MPP7: variants seen among roughly 807,000 people sequenced by gnomAD.
The protein encoded by MPP7 is MAGUK p55 subfamily member 7.
A neutral mutation model predicts 76.5 loss-of-function variants in MPP7; 60 were observed. That is an observed-to-expected ratio of 0.78 (90% CI 0.64 to 0.97). The LOEUF (loss-of-function observed/expected upper bound fraction) is 0.97. MPP7 is among the 50% of genes least tolerant of loss of function. The pLI is 0.00. For synonymous variants in MPP7, 237 were observed against 244.5 expected (o/e 0.97, Z 0.29); for missense variants, 641 against 694.0 (o/e 0.92, Z 0.86).
intron 11 of MPP7, among the ~76,000 whole-genome samples, chr10:28,104,875 A>G (rs139597177): frequency 0.014 from 2,102 of 152,250 alleles, 15 homozygotes; most frequent in Non-Finnish European, 0.02. Context: ...ACACATTAGA[A>G]TAAGTATTTA....
chr10:28,152,815 T>C (rs192044043), intron 3 of MPP7, among the ~76,000 whole-genome samples: 1 of 152,306 alleles, frequency 6.6e-6, no homozygotes, highest in Non-Finnish European at 1.5e-5. Context: ...TTTGGGGATC[T>C]AGTAGACAAA....
At chr10:28,220,840 A>T (rs1456473421) in intron 2 of MPP7, among the ~76,000 whole-genome samples, 1 of 152,182 alleles carries the variant, frequency 6.6e-6, no homozygotes, top group East Asian at 1.9e-4. Context: ...GCAACGGGAC[A>T]AAAGCATAAA....
intron 11 of MPP7, among the ~76,000 whole-genome samples, chr10:28,097,492 G>A (rs1006602925): frequency 1.3e-5 from 2 of 152,084 alleles, no homozygotes; most frequent in African/African-American, 4.8e-5. Flanking sequence ...ATGTGTTTAA[G>A]TACACTCTTC....
At chr10:28,074,207 A>G (rs147944033) in intron 12 of MPP7, among the ~76,000 whole-genome samples, 15 of 152,322 alleles carry the variant, frequency 9.8e-5, no homozygotes, top group Admixed American at 4.6e-4. Context: ...TACTTCAGAA[A>G]ACATAGAGGC....
chr10:28,302,988 G>T lies in MPP7; in HGVS notation c.-259C>A, dbSNP rs1841201907. ...GGACAATCGGGAGCCAGCGGGCTCG[G>T]CACCGCCGCGGCGGGCGCAGAACGC... On this transcript the variant is annotated 5_prime_UTR_variant, in exon 1 of 17. Coordinates refer to ENST00000683449, the MANE Select transcript of MPP7 (RefSeq NM_001318170.2). Among the ~76,000 whole-genome samples, 1 of 150,516 alleles carries T rather than the reference G, an allele frequency of 6.6e-6. No homozygotes were observed. Among genetic ancestry groups the T allele is most frequent in the Non-Finnish European group, 1.5e-5 (1 of 67,128 alleles).
chr10:28,102,266 C>T (rs1042614441), intron 11 of MPP7, among the ~76,000 whole-genome samples: 9 of 152,120 alleles, frequency 5.9e-5, no homozygotes, highest in African/African-American at 9.7e-5. Context: ...CCTCAGCCTC[C>T]GGAGTAGTTG....
intron 1 of MPP7, among the ~76,000 whole-genome samples, chr10:28,252,924 G>A (rs760752430): frequency 6.6e-6 from 1 of 151,698 alleles, no homozygotes; most frequent in South Asian, 2.1e-4. Flanking sequence ...TTTTGGGAGG[G>A]GGGGGCGGAG....
intron 3 of MPP7, among the ~76,000 whole-genome samples, chr10:28,189,968 G>A (rs1371230432): frequency 3.9e-5 from 6 of 151,932 alleles, no homozygotes; most frequent in Admixed American, 6.6e-5. Flanking sequence ...ACAGACACAC[G>A]AAAAGAAAAA....
At chr10:28,065,468 T>C (rs1851952479) in intron 13 of MPP7, among the ~76,000 whole-genome samples, 1 of 152,184 alleles carries the variant, frequency 6.6e-6, no homozygotes, top group East Asian at 1.9e-4. Flanking sequence ...CATGAACTCA[T>C]TCACAACAAG....
chr10:28,169,346 C>T (rs1291638721), intron 3 of MPP7, among the ~76,000 whole-genome samples: 3 of 151,608 alleles, frequency 2.0e-5, no homozygotes, highest in Admixed American at 2.0e-4. Context: ...AATTAATTAG[C>T]CAGGAAAGGT....
chr10:28,327,327 G>A (rs535032039), intron 2 of MPP7, among the ~76,000 whole-genome samples: 57 of 149,930 alleles, frequency 3.8e-4, no homozygotes, highest in African/African-American at 1.3e-3. Flanking sequence ...TACCTAGCTC[G>A]TTTCAAATTC....
At chr10:28,125,265 A>G (rs1230373617) in intron 6 of MPP7, among the ~76,000 whole-genome samples, 174 bp from the exon 7 acceptor site, 2 of 152,238 alleles carry the variant, frequency 1.3e-5, no homozygotes, top group African/African-American at 4.8e-5. Flanking sequence ...GTCTATTCTC[A>G]TGACTAAATA....
At chr10:28,222,712 C>T (rs1021822822) in intron 2 of MPP7, among the ~76,000 whole-genome samples, 2 of 151,154 alleles carry the variant, frequency 1.3e-5, no homozygotes, top group South Asian at 2.1e-4. Context: ...ATTAGCCAGG[C>T]GTGGTGGCGG....
intron 1 of MPP7, among the ~76,000 whole-genome samples, chr10:28,286,609 C>T (rs1362215880): frequency 6.6e-6 from 1 of 152,104 alleles, no homozygotes; most frequent in Non-Finnish European, 1.5e-5. Context: ...CCCTGGGGGT[C>T]CTCAGGCACC....
intron 3 of MPP7, among the ~76,000 whole-genome samples, chr10:28,152,956 A>T (rs888437704): frequency 2.2e-4 from 33 of 152,154 alleles, no homozygotes; most frequent in Non-Finnish European, 1.5e-5. Flanking sequence ...TCAAGACATA[A>T]TAAAAGTACA....
In MPP7 at chr10:28,119,643, A is replaced by G. The variant is rs1834766480; in HGVS notation, c.952+8T>C. On this transcript the variant is annotated splice_region_variant and intron_variant, in intron 11 of 16. Transcript: ENST00000683449. ...TTGGTTTCTCTGCATTCTTATTAAC[A>G]AACTTACATGATTTCCTGTTGGAAA... 1 of 1,611,998 alleles carries G rather than the reference A, an allele frequency of 6.2e-7. No individual in the cohort carries two copies.
chr10:28,327,231 TAAAAAAA>T (rs59442840), intron 2 of MPP7, among the ~76,000 whole-genome samples: 14,436 of 95,794 alleles, frequency 0.15, 955 homozygotes, highest in African/African-American at 0.24. Context: ...GTCAAAGAAG[TAAAAAAA>T]AAAAAAAAAA....
At chr10:28,262,242 T>C (rs867508139) in intron 1 of MPP7, among the ~76,000 whole-genome samples, 693 of 63,648 alleles carry the variant, frequency 0.011, 52 homozygotes, top group South Asian at 0.034. Context: ...TATATATATA[T>C]ACATATATAT....
chr10:28,263,055 C>CA (rs1840042100), intron 1 of MPP7, among the ~76,000 whole-genome samples: 1 of 151,586 alleles, frequency 6.6e-6, no homozygotes, highest in African/African-American at 2.4e-5. Context: ...GACTCCGTTT[C>CA]AAAAAAATAA....
Sources: allele counts gnomAD v4.1 joint callset (sites outside exome capture counted in the v4.1 genomes callset), GRCh38; gene constraint gnomAD v4.1.1; transcripts MANE v1.5; gene names NCBI Gene and HGNC (gene_info 2026-07-23, HGNC 2026-07-21).